The following MIER2 variants were observed in gnomAD, a reference collection of about 807,000 sequenced individuals.
MIER2 encodes the protein MIER family member 2.
In MIER2, 30 loss-of-function variants were observed where a neutral mutation model predicts 67.6. The ratio of observed to expected loss-of-function variants is 0.44; its 90% CI spans 0.33 to 0.60. MIER2 has a LOEUF of 0.60. Ranked by LOEUF, MIER2 falls within the 20% of genes least tolerant of loss-of-function variation. The pLI is 0.02. For missense variants in MIER2, 702 were observed against 745.1 expected (o/e 0.94, Z 0.67); for synonymous variants, 372 against 312.6 (o/e 1.19, Z -2.00).
At chr19:337,760 T>G (rs1972324974) in intron 1 of MIER2, among the ~76,000 whole-genome samples, 1 of 150,686 alleles carries the variant, frequency 6.6e-6, no homozygotes, top group African/African-American at 2.4e-5. Context: ...TCCCAGCTAC[T>G]CAGGAGGCTG....
In MIER2 at chr19:335,988, C is replaced by G. The variant is rs528211884; in HGVS notation, c.100+95G>C. ...CCCTGGACTCTGGAAGCCAGTGTGC[C>G]GGTCCACAGCTCAGCCAGGCCCAGC... On this transcript the variant is annotated intron_variant, in intron 2 of 13. Transcript: ENST00000264819. 46 of 1,223,834 alleles carry G rather than the reference C, an allele frequency of 3.8e-5. No individual in the cohort carries two copies. The Middle Eastern group carries it at 5.9e-4, about 16-fold the overall frequency. 75.8% of individuals were successfully genotyped at this position (1,223,834 alleles called of 1,614,324 possible).
intron 1 of MIER2, 37 bp downstream of exon 1, chr19:344,737 G>A (rs1413836449): frequency 1.7e-6 from 2 of 1,154,034 alleles, no homozygotes; most frequent in African/African-American, 1.6e-5. Flanking sequence ...CGGACGCGCG[G>A]GGGCGGGGGG....
Position 319,897 on chromosome 19 carries a change from A to C in MIER2, c.655+5738T>G, listed in dbSNP as rs567933383. Among the ~76,000 whole-genome samples, 173 of 152,236 alleles carry C rather than the reference A, an allele frequency of 1.1e-3. 1 individual carries two copies. Among genetic ancestry groups the C allele is most frequent in the Non-Finnish European group, 2.2e-3 (151 of 68,042 alleles). On this transcript the variant is annotated intron_variant, in intron 7 of 13. Coordinates refer to ENST00000264819, the MANE Select transcript of MIER2 (RefSeq NM_017550.3). The stretch of plus-strand genomic sequence containing the variant: ...AAAGGACAGGCCAGTACCTCCATGA[A>C]CATACATGCAAAAATCATAAATGTG...
In MIER2 at chr19:327,970, T is replaced by G. The variant is rs1971840527; in HGVS notation, c.263A>C (p.Asp88Ala). The part of the protein sequence containing the change: ...FISQSNDMPF[D>A]ELLALYGYEA... ...GTAGCCATAGAGCGCAAGCAGCTCA[T>G]CAAAGGGCATGTCGTTGCTCTGAGT... The change falls in exon 4 of 14, where the codon GAT (aspartate) becomes GCT (alanine). Residue 88 changes from aspartate to alanine, a missense_variant. This residue lies in a region of MIER2 where 320 missense variants were observed against 292.6 expected (regional missense o/e 1.09). Transcript: ENST00000264819. The G allele has an allele frequency of 6.2e-7, 1 of 1,612,978 alleles. No individual in the cohort carries two copies. The highest frequency in any genetic ancestry group is 1.3e-5 in the African/African-American group (1 of 74,818).
intron 8 of MIER2, 118 bp downstream of exon 8, chr19:313,370 CCACA>C: frequency 6.8e-7 from 1 of 1,467,922 alleles, no homozygotes; most frequent in Non-Finnish European, 9.1e-7. Flanking sequence ...GCCCTGGCCC[CCACA>C]CACCTGACCC....
intron 7 of MIER2, among the ~76,000 whole-genome samples, chr19:320,941 A>G (rs1277912867): frequency 6.6e-6 from 1 of 152,218 alleles, no homozygotes; most frequent in African/African-American, 2.4e-5. Flanking sequence ...TAAGAACACC[A>G]GACAGAACGT....
At chr19:311,823 A>G (rs1337619454) in intron 10 of MIER2, 22 bp downstream of exon 10, 6 of 1,612,818 alleles carry the variant, frequency 3.7e-6, no homozygotes, top group Non-Finnish European at 5.1e-6. Context: ...CCCCCGGTGG[A>G]GCCTGGCAGT....
chr19:326,491 T>C lies in MIER2; in HGVS notation c.585+16A>G, dbSNP rs748312822. Reference sequence around the variant, plus strand: ...CGGCCGGGATGCCAGGTTGGGGAGATGGCAGAACCACGTACCTTCTTACAT... The same window carrying C: ...CGGCCGGGATGCCAGGTTGGGGAGACGGCAGAACCACGTACCTTCTTACAT... On this transcript the variant is annotated intron_variant, in intron 6 of 13. Coordinates refer to ENST00000264819, the MANE Select transcript of MIER2 (RefSeq NM_017550.3). 12 of 1,608,052 alleles carry C rather than the reference T, an allele frequency of 7.5e-6. No individual in the cohort carries two copies. The South Asian group carries it at 8.8e-5, about 12-fold the overall frequency.
rs557434995 is a variant in MIER2 at position 310,119 on chromosome 19, G to A, written c.985-1194C>T. Among the ~76,000 whole-genome samples, 5 of 152,342 alleles carry A rather than the reference G, an allele frequency of 3.3e-5. No individual in the cohort carries two copies. In the South Asian group the frequency reaches 1.0e-3, roughly 32 times the overall value. ...TGTGTTCCATGTGGCACCTGGCACA[G>A]AGCTGGGCGCACACCTGGCAACACC... On this transcript the variant is annotated intron_variant, in intron 10 of 13. Coordinates refer to ENST00000264819, the MANE Select transcript of MIER2 (RefSeq NM_017550.3).
At chr19:310,524 CTAT>C (rs1970908681) in intron 10 of MIER2, among the ~76,000 whole-genome samples, 1 of 62,488 alleles carries the variant, frequency 1.6e-5, no homozygotes, top group Non-Finnish European at 2.9e-5. Context: ...CGGCCCTGAG[CTAT>C]AGAAACACGG....
chr19:307,791 T>A (rs80240227), intron 12 of MIER2, among the ~76,000 whole-genome samples: 4 of 103,634 alleles, frequency 3.9e-5, no homozygotes, highest in African/African-American at 2.7e-4. Context: ...CAGAATACAA[T>A]AGACATAGGT....
intron 7 of MIER2, among the ~76,000 whole-genome samples, chr19:316,418 G>C (rs1029901998): frequency 1.3e-5 from 2 of 151,784 alleles, no homozygotes; most frequent in African/African-American, 4.8e-5. Flanking sequence ...TCAGCCTCCC[G>C]AGTAGCTGGG....
chr19:318,604 G>A (rs1481815609), intron 7 of MIER2, among the ~76,000 whole-genome samples: 7 of 152,130 alleles, frequency 4.6e-5, no homozygotes, highest in Admixed American at 2.6e-4. Context: ...GGGAATACAC[G>A]GAAAATTCCA....
intron 3 of MIER2, among the ~76,000 whole-genome samples, chr19:329,848 G>A (rs1015663479): frequency 2.9e-5 from 4 of 136,346 alleles, no homozygotes; most frequent in South Asian, 2.4e-4. Flanking sequence ...CCTAGGTGAC[G>A]AGAGCAATAC....
At chr19:340,849 G>A (rs1218963099) in intron 1 of MIER2, among the ~76,000 whole-genome samples, 1 of 152,154 alleles carries the variant, frequency 6.6e-6, no homozygotes, top group African/African-American at 2.4e-5. Context: ...CTCCGTGGTG[G>A]CAGAGGGCAA....
intron 1 of MIER2, among the ~76,000 whole-genome samples, chr19:337,738 A>G (rs944207078): frequency 2.0e-5 from 3 of 151,874 alleles, no homozygotes; most frequent in Non-Finnish European, 4.4e-5. Flanking sequence ...GCATTGTGGC[A>G]TGTGCCTGTA....
chr19:326,066 C>T (rs1355277898), intron 6 of MIER2, among the ~76,000 whole-genome samples: 1 of 152,256 alleles, frequency 6.6e-6, no homozygotes, highest in Admixed American at 6.5e-5. Context: ...GGGGCACAAA[C>T]CCAGGGAGAG....
Position 307,388 on chromosome 19 carries a change from C to A in MIER2, c.1347G>T (p.Leu449=). The change falls in exon 13 of 14, where the codon CTG becomes CTT. Residue 449 remains leucine (L), a synonymous_variant. Transcript: ENST00000264819. ...AVPLSHRPPA[L]ADPASYQPAV... ...CTGGCTGGTATGAGGCTGGGTCGGC[C>A]AGGGCTGGGGGCCGATGGGACAGGG... 1 of 1,607,526 alleles carries A rather than the reference C, an allele frequency of 6.2e-7. No homozygotes were observed. The highest frequency in any genetic ancestry group is 8.5e-7 in the Non-Finnish European group (1 of 1,178,182).
chr19:343,717 T>G (rs1972607332), intron 1 of MIER2: 1 of 522,734 alleles, frequency 1.9e-6, no homozygotes, highest in Non-Finnish European at 2.5e-6. Context: ...GATCAGCTCT[T>G]GAGTCTGCCC....
Sources: gnomAD v4.1 joint callset for allele counts (sites outside exome capture counted in the v4.1 genomes callset) on GRCh38, gnomAD v4.1.1 for gene constraint, gnomAD v4.1.1 regional missense constraint, MANE v1.5 for transcripts, NCBI Gene and HGNC (gene_info 2026-07-23, HGNC 2026-07-21) for gene names.